Variants in PDE4B observed in about 807,000 individuals in gnomAD.
The protein encoded by PDE4B is 3',5'-cyclic-AMP phosphodiesterase 4B.
A neutral mutation model predicts 82.2 loss-of-function variants in PDE4B; 20 were observed. The observed-to-expected ratio is 0.24, with a 90% confidence interval of 0.17 to 0.35. The LOEUF (loss-of-function observed/expected upper bound fraction) is 0.35. Among genes scored for constraint, PDE4B ranks in the 10% least tolerant of loss-of-function variants. The pLI is 1.00. For synonymous variants in PDE4B, 320 were observed against 318.9 expected (o/e 1.00, Z -0.04); for missense variants, 655 against 907.2 (o/e 0.72, Z 3.57).
intron 1 of PDE4B, among the ~76,000 whole-genome samples, chr1:65,864,365 A>C (rs1381452304): frequency 6.6e-6 from 1 of 152,030 alleles, no homozygotes; most frequent in African/African-American, 2.4e-5. Context: ...ACTTCTGTCA[A>C]TTCTTCAATC....
intron 10 of PDE4B, 79 bp downstream of exon 10, chr1:66,361,872 G>A (rs983100756): frequency 7.0e-6 from 8 of 1,142,098 alleles, no homozygotes; most frequent in Admixed American, 2.4e-5. Context: ...TTAGAAAATA[G>A]TATGGATTGC....
At chr1:66,200,211 G>C (rs1326448248) in intron 3 of PDE4B, among the ~76,000 whole-genome samples, 1 of 152,154 alleles carries the variant, frequency 6.6e-6, no homozygotes, top group African/African-American at 2.4e-5. Context: ...CTATATCTCT[G>C]TTTTGGTAGC....
Position 66,368,783 on chromosome 1 carries a change from TC to T in PDE4B, c.1663-3del, listed in dbSNP as rs762095739. 6.6e-7 allele frequency: 1 copy of T among 1,515,630 alleles called. No individual in the cohort carries two copies. Among genetic ancestry groups the T allele is most frequent in the Non-Finnish European group, 8.9e-7 (1 of 1,125,488 alleles). 93.9% of individuals were successfully genotyped at this position (1,515,630 alleles called of 1,614,324 possible). ...ATGAGATTTCCAAAACTTGATGATT[TC>T]AGGTCCTTCGCAACATGGTACACTG... On this transcript the variant is annotated splice_region_variant and splice_polypyrimidine_tract_variant and intron_variant, in intron 15 of 16. Coordinates refer to ENST00000341517, the MANE Select transcript of PDE4B (RefSeq NM_002600.4).
At chr1:66,270,068 C>A (rs930430258) in intron 7 of PDE4B, among the ~76,000 whole-genome samples, 1 of 152,116 alleles carries the variant, frequency 6.6e-6, no homozygotes, top group African/African-American at 2.4e-5. Context: ...TGACAGCAAA[C>A]CATAGCACCA....
chr1:65,800,420 A>T (rs1254518202), intron 1 of PDE4B, among the ~76,000 whole-genome samples: 1 of 152,218 alleles, frequency 6.6e-6, no homozygotes, highest in Non-Finnish European at 1.5e-5. Context: ...TTCCCTAGAA[A>T]GCACTTTGTA....
intron 3 of PDE4B, among the ~76,000 whole-genome samples, chr1:66,035,356 A>C (rs1349582383): frequency 2.0e-5 from 3 of 152,106 alleles, no homozygotes; most frequent in Non-Finnish European, 4.4e-5. Flanking sequence ...TCTTTTAGCT[A>C]TTCTGAAATA....
intron 1 of PDE4B, among the ~76,000 whole-genome samples, chr1:65,873,581 A>G (rs1295354084): frequency 1.3e-5 from 2 of 152,220 alleles, no homozygotes; most frequent in African/African-American, 4.8e-5. Context: ...TAATCATCAC[A>G]TACTTTCCTC....
At chr1:66,358,401 G>A (rs375246938) in intron 9 of PDE4B, among the ~76,000 whole-genome samples, 7 of 152,292 alleles carry the variant, frequency 4.6e-5, no homozygotes, top group East Asian at 1.9e-4. Context: ...CAGGCCGGGC[G>A]TGGCAGCTCA....
In PDE4B at chr1:65,908,530, T is replaced by A. The variant is rs377109114; in HGVS notation, c.-70-4715T>A. On this transcript the variant is annotated intron_variant, in intron 1 of 16. Coordinates refer to ENST00000341517, the MANE Select transcript of PDE4B (RefSeq NM_002600.4). Reference sequence around the variant, plus strand: ...AATAGCAGCAAAGCAGCCTATACATTTAGGTGTATCTATACATTTAGTATA... The same window carrying A: ...AATAGCAGCAAAGCAGCCTATACATATAGGTGTATCTATACATTTAGTATA... 6.4e-4 allele frequency among the ~76,000 whole-genome samples: 98 copies of A among 152,200 alleles called. No homozygotes were observed. The South Asian group carries it at 0.015, about 23-fold the overall frequency.
At chr1:65,797,931 C>T (rs1645649518) in intron 1 of PDE4B, among the ~76,000 whole-genome samples, 1 of 152,194 alleles carries the variant, frequency 6.6e-6, no homozygotes, top group Non-Finnish European at 1.5e-5. Flanking sequence ...CAGTCCATTT[C>T]CCTCTTGCCA....
At chr1:66,120,672 A>T (rs1372667028) in intron 3 of PDE4B, among the ~76,000 whole-genome samples, 1 of 152,136 alleles carries the variant, frequency 6.6e-6, no homozygotes, top group African/African-American at 2.4e-5. Flanking sequence ...AACAATGACT[A>T]TTTCCAGCTC....
chr1:65,918,459 C>A (rs1647186720), intron 2 of PDE4B, 138 bp from the exon 3 acceptor site: 3 of 613,576 alleles, frequency 4.9e-6, no homozygotes, highest in South Asian at 2.0e-5. Flanking sequence ...CTTTTGACAT[C>A]GTTGTTAGAT....
intron 2 of PDE4B, among the ~76,000 whole-genome samples, chr1:65,917,015 T>C (rs1647169352): frequency 6.6e-6 from 1 of 152,170 alleles, no homozygotes. Context: ...AGGGTGGGGC[T>C]CCTGAAAATT....
intron 1 of PDE4B, among the ~76,000 whole-genome samples, chr1:65,846,183 C>T (rs568362742): frequency 6.6e-6 from 1 of 152,284 alleles, no homozygotes; most frequent in African/African-American, 2.4e-5. Flanking sequence ...ATGTCACGAC[C>T]TTCCAGTCTC....
intron 1 of PDE4B, among the ~76,000 whole-genome samples, chr1:65,851,325 C>T (rs976191285): frequency 2.6e-5 from 4 of 151,820 alleles, no homozygotes; most frequent in Non-Finnish European, 4.4e-5. Context: ...CATTTATATA[C>T]ACATTTTTTC....
At chr1:66,291,905 T>A (rs644949) in intron 7 of PDE4B, among the ~76,000 whole-genome samples, 94,749 of 151,994 alleles carry the variant, frequency 0.62, 30,171 homozygotes, top group African/African-American at 0.72. Flanking sequence ...CCTTATGTTG[T>A]CCTACTTTTA....
intron 3 of PDE4B, among the ~76,000 whole-genome samples, chr1:66,091,238 T>C (rs1293418064): frequency 6.6e-6 from 1 of 152,066 alleles, no homozygotes; most frequent in Non-Finnish European, 1.5e-5. Flanking sequence ...AAGCCAAGCC[T>C]ACTGCGGTGA....
intron 1 of PDE4B, among the ~76,000 whole-genome samples, chr1:65,819,537 T>C (rs1389177478): frequency 6.6e-6 from 1 of 150,958 alleles, no homozygotes; most frequent in African/African-American, 2.4e-5. Context: ...AGTCTCGCTC[T>C]GTCGCCCAGG....
chr1:66,090,696 A>C (rs990941436), intron 3 of PDE4B, among the ~76,000 whole-genome samples: 2 of 83,816 alleles, frequency 2.4e-5, no homozygotes, highest in Non-Finnish European at 5.2e-5. Context: ...TCTGTATATA[A>C]GTATATGTAT....
Sources: allele counts gnomAD v4.1 joint callset (sites outside exome capture counted in the v4.1 genomes callset), GRCh38; gene constraint gnomAD v4.1.1; transcripts MANE v1.5; gene names NCBI Gene and HGNC (gene_info 2026-07-23, HGNC 2026-07-21).